The following MXI1 variants were observed in gnomAD, a reference collection of about 807,000 sequenced individuals.
MXI1 encodes the protein max-interacting protein 1.
In MXI1, 18 loss-of-function variants were observed where a neutral mutation model predicts 36.9. The observed-to-expected ratio is 0.49, with a 90% CI of 0.34 to 0.72. The LOEUF is 0.72. Among genes scored for constraint, MXI1 ranks in the 30% least tolerant of loss-of-function variants. The pLI is 0.01. For missense variants in MXI1, 304 were observed against 379.1 expected (o/e 0.80, Z 1.64); for synonymous variants, 160 against 146.7 (o/e 1.09, Z -0.65).
At chr10:110,234,937 G>T (rs1350591997) in intron 2 of MXI1, among the ~76,000 whole-genome samples, 1 of 152,062 alleles carries the variant, frequency 6.6e-6, no homozygotes, top group Non-Finnish European at 1.5e-5. Flanking sequence ...AGGTGAACTA[G>T]TTATTTTAAA....
Position 110,285,111 on chromosome 10 carries a change from ATACTTG to A in MXI1, c.*125_*130del. On this transcript the variant is annotated 3_prime_UTR_variant, in exon 6 of 6. Transcript: ENST00000332674. Reference sequence around the variant, plus strand: ...AAACAAAACAAAACAAAACAAAACTATACTTGAACAAAAGGGTCAGAGGACCTGTAT... The same window carrying A: ...AAACAAAACAAAACAAAACAAAACTAAACAAAAGGGTCAGAGGACCTGTAT... 2.1e-6 allele frequency: 2 copies of A among 952,254 alleles called. No homozygotes were observed. The highest frequency in any genetic ancestry group is 2.9e-6 in the Non-Finnish European group (2 of 689,954). The allele number at this position is 952,254 out of a possible 1,614,324, so 59.0% of individuals were successfully genotyped here.
intron 3 of MXI1, chr10:110,257,874 CA>C (rs1334837143): frequency 2.1e-5 from 6 of 287,386 alleles, no homozygotes; most frequent in Admixed American, 3.8e-5. Context: ...AACAAACAAA[CA>C]AAAAACAAAA....
chr10:110,228,207 C>T lies in MXI1; in HGVS notation c.293C>T (p.Ala98Val), dbSNP rs778250118. Residue 98 changes from alanine to valine, a missense_variant, in exon 2 of 6, where the codon GCC becomes GTC. Physicochemically the swap from Ala to Val is moderately conservative, Grantham distance 64. This residue lies in a region of MXI1 where 179 missense variants were observed against 184.8 expected (regional missense o/e 0.97). Coordinates refer to ENST00000332674, the MANE Select transcript of MXI1 (RefSeq NM_130439.3). ...TCTTCAGAGTGTGAACATGGCTACG[C>T]CTCTTCATTCCCGTCCATGCCGAGC... is the stretch of plus-strand genomic sequence containing the variant. The part of the protein sequence containing the change: ...KENKKCEHGY[A>V]SSFPSMPSPR... 5.6e-6 allele frequency: 9 copies of T among 1,613,934 alleles called. No homozygotes were observed. Among genetic ancestry groups the T allele is most frequent in the Non-Finnish European group, 5.9e-6 (7 of 1,180,022 alleles).
At position 110,286,971 on chromosome 10, in the gene MXI1, A is replaced by G. The variant is rs1411366755; in HGVS notation, c.*1984A>G. The G allele has an allele frequency of 6.6e-6, 1 of 152,218 alleles. No individual in the cohort carries two copies. Among genetic ancestry groups the G allele is most frequent in the Non-Finnish European group, 1.5e-5 (1 of 68,030 alleles). 9.4% of individuals were successfully genotyped at this position (152,218 alleles called of 1,614,324 possible). A position where few individuals can be genotyped will look rare whatever the true frequency, so the allele number is the denominator to read the frequency against. ...ATTTCTGGTTTCACTTATAATTACT[A>G]ATGGCTGAGTCAAGATGTTGTCTCT... On this transcript the variant is annotated 3_prime_UTR_variant, in exon 6 of 6. Transcript: ENST00000332674.
rs191416946 is a variant in MXI1, at chr10:110,248,630, C to T, written c.437+3773C>T. ...TGGTTTCTTACCCTACCTTACTTCA[C>T]TTAAGGCATGATTTCCTCATCATCT... On this transcript the variant is annotated intron_variant, in intron 3 of 5. Transcript: ENST00000332674. Among the ~76,000 whole-genome samples, 291 of 152,218 alleles carry T rather than the reference C, an allele frequency of 1.9e-3. 1 individual carries two copies. Among genetic ancestry groups the T allele is most frequent in the South Asian group, 3.5e-3 (17 of 4,824 alleles).
At chr10:110,211,860 G>A (rs1854523837) in intron 1 of MXI1, among the ~76,000 whole-genome samples, 1 of 152,176 alleles carries the variant, frequency 6.6e-6, no homozygotes, top group South Asian at 2.1e-4. Flanking sequence ...AATCATGAAG[G>A]CTGTGATCCT....
rs188184506 is a variant in MXI1 at position 110,271,258 on chromosome 10, C to T, written c.438-7922C>T. ...AGTTCTGGCATTCATAAATAGATCT[C>T]TCACAAATGCTGGCCTGGCATCTGA... On this transcript the variant is annotated intron_variant, in intron 3 of 5. Transcript: ENST00000332674. Among the ~76,000 whole-genome samples, 125 of 152,218 alleles carry T rather than the reference C, an allele frequency of 8.2e-4. 1 individual carries two copies. The highest frequency in any genetic ancestry group is 2.9e-3 in the African/African-American group (120 of 41,530).
chr10:110,247,949 T>C lies in MXI1; in HGVS notation c.437+3092T>C, dbSNP rs1855933154. On this transcript the variant is annotated intron_variant, in intron 3 of 5. Coordinates refer to ENST00000332674, the MANE Select transcript of MXI1 (RefSeq NM_130439.3). ...AGCAAAGACTTGGAACCAAGCCAGA[T>C]GTCCAACAGTGATAGACTGGATTAA... 2.0e-5 allele frequency among the ~76,000 whole-genome samples: 3 copies of C among 152,200 alleles called. No individual in the cohort carries two copies. The South Asian group carries it at 6.2e-4, about 31-fold the overall frequency.
intron 2 of MXI1, among the ~76,000 whole-genome samples, chr10:110,232,769 G>C (rs1394511437): frequency 6.6e-6 from 1 of 152,160 alleles, no homozygotes; most frequent in Admixed American, 6.5e-5. Context: ...TAAAACCCCT[G>C]TTTTGGCAAA....
chr10:110,286,715 C>CCAT lies in MXI1; in HGVS notation c.*1730_*1732dup, dbSNP rs1857433450. On this transcript the variant is annotated 3_prime_UTR_variant, in exon 6 of 6. Transcript: ENST00000332674. ...ATTCACTGCTTCTATATATAGTGTA[C>CCAT]CATCTTGGTCATACATTACGCCTCA... 1 of 152,406 alleles carries CCAT rather than the reference C, an allele frequency of 6.6e-6. No individual in the cohort carries two copies. Among genetic ancestry groups the CCAT allele is most frequent in the African/African-American group, 2.4e-5 (1 of 41,420 alleles). 9.4% of individuals were successfully genotyped at this position (152,406 alleles called of 1,614,324 possible).
chr10:110,246,154 C>CA (rs200299588), intron 3 of MXI1, among the ~76,000 whole-genome samples: 7,948 of 151,910 alleles, frequency 0.052, 314 homozygotes, highest in Middle Eastern at 0.15. Flanking sequence ...AGATGCCCTC[C>CA]ATCTCTACCA....
chr10:110,223,243 A>G (rs1445362237), intron 1 of MXI1, among the ~76,000 whole-genome samples: 1 of 152,216 alleles, frequency 6.6e-6, no homozygotes, highest in African/African-American at 2.4e-5. Flanking sequence ...GAATTCATGT[A>G]TATTTTCAGT....
intron 2 of MXI1, among the ~76,000 whole-genome samples, chr10:110,229,775 G>A (rs917543747): frequency 2.6e-5 from 4 of 151,970 alleles, no homozygotes; most frequent in African/African-American, 9.7e-5. Context: ...TTGCCCTTAC[G>A]GTTTCAGTGT....
chr10:110,235,398 A>T (rs992035379), intron 2 of MXI1, among the ~76,000 whole-genome samples: 4 of 152,254 alleles, frequency 2.6e-5, no homozygotes, highest in Non-Finnish European at 2.9e-5. Flanking sequence ...GTTAAAAAAA[A>T]TAAGCTTGGC....
chr10:110,227,647 C>T, intron 1 of MXI1: 1 of 711,352 alleles, frequency 1.4e-6, no homozygotes, highest in Non-Finnish European at 1.7e-6. Context: ...GGAGAGGGGC[C>T]TTTGAATACC....
chr10:110,271,795 CTGA>C (rs1464458788), intron 3 of MXI1, among the ~76,000 whole-genome samples: 1 of 152,170 alleles, frequency 6.6e-6, no homozygotes, highest in African/African-American at 2.4e-5. Context: ...CTATTGTTTA[CTGA>C]TGATAATTGT....
intron 1 of MXI1, among the ~76,000 whole-genome samples, chr10:110,218,084 T>G (rs1269012734): frequency 2.6e-5 from 4 of 152,190 alleles, no homozygotes; most frequent in Admixed American, 6.5e-5. Flanking sequence ...CCCCAGATTT[T>G]TCTTTCTTCC....
chr10:110,276,123 C>T (rs1329479352), intron 3 of MXI1, among the ~76,000 whole-genome samples: 1 of 152,150 alleles, frequency 6.6e-6, no homozygotes, highest in Non-Finnish European at 1.5e-5. Context: ...CAGTTGTTTT[C>T]CCTTGAAGGA....
intron 2 of MXI1, among the ~76,000 whole-genome samples, chr10:110,233,503 T>C (rs952470077): frequency 2.6e-5 from 4 of 151,858 alleles, no homozygotes; most frequent in African/African-American, 9.7e-5. Context: ...TTTTGTGTAA[T>C]TTTTTTCTAC....
Sources: allele counts gnomAD v4.1 joint callset (sites outside exome capture counted in the v4.1 genomes callset), GRCh38; gene constraint gnomAD v4.1.1; regional missense constraint gnomAD v4.1.1; transcripts MANE v1.5; gene names NCBI Gene and HGNC (gene_info 2026-07-23, HGNC 2026-07-21).